TAS2R1: variants seen among roughly 807,000 people sequenced by gnomAD.
TAS2R1 encodes the protein taste receptor type 2 member 1.
For synonymous variants in TAS2R1, 141 were observed against 134.2 expected, an observed-to-expected ratio of 1.05 and a Z score of -0.35; for missense variants, 370 against 353.4, an observed-to-expected ratio of 1.05 and a Z score of -0.38.
chr5:9,823,375 T>G, the TAS2R1 span, among the ~76,000 whole-genome samples: 3 of 152,080 alleles, frequency 2.0e-5, no homozygotes, highest in Middle Eastern at 3.2e-3. Context: ...TCTACTCATA[T>G]GCTTTATATA....
chr5:9,632,761 CTAATTA>C (rs1476930915), upstream of TAS2R1, among the ~76,000 whole-genome samples: 2 of 152,168 alleles, frequency 1.3e-5, no homozygotes, highest in East Asian at 1.9e-4. Context: ...GGCTCTACTT[CTAATTA>C]TAATTCTCAT....
At chr5:9,851,832 G>A in the TAS2R1 span, among the ~76,000 whole-genome samples, 3 of 152,216 alleles carry the variant, frequency 2.0e-5, no homozygotes, top group South Asian at 2.1e-4. Context: ...TTCAAGCTTT[G>A]CTGGTCACAC....
intron 1 of TAS2R1, among the ~76,000 whole-genome samples, chr5:9,694,723 G>T (rs1261158771): frequency 6.6e-6 from 1 of 152,098 alleles, no homozygotes; most frequent in African/African-American, 2.4e-5. Flanking sequence ...GAGGAGTTTG[G>T]TATGAAAAAA....
At chr5:9,798,726 A>C in the TAS2R1 span, among the ~76,000 whole-genome samples, 1 of 152,204 alleles carries the variant, frequency 6.6e-6, no homozygotes, top group African/African-American at 2.4e-5. Context: ...ACAACAATTA[A>C]ATCAGGCTTG....
At chr5:9,853,883 A>G in the TAS2R1 span, among the ~76,000 whole-genome samples, 1 of 152,202 alleles carries the variant, frequency 6.6e-6, no homozygotes, top group African/African-American at 2.4e-5. Context: ...GCACTTCTAA[A>G]TCTACCTCCC....
At chr5:9,755,813 T>C in the TAS2R1 span, among the ~76,000 whole-genome samples, 1 of 152,184 alleles carries the variant, frequency 6.6e-6, no homozygotes, top group Non-Finnish European at 1.5e-5. Context: ...CTTTCTGACA[T>C]TGCTATGGCA....
rs139804328 is a variant in TAS2R1, at chr5:9,693,161, G to C, written c.-242+19011C>G. ...CATCCCCCAAAGTGAAAAACAAATA[G>C]GTATTAATATAAATTCTGATGAATA... On this transcript the variant is annotated intron_variant, in intron 1 of 2. Coordinates refer to the TAS2R1 transcript ENST00000506620. Among the ~76,000 whole-genome samples the C allele has an allele frequency of 4.4e-3, 668 of 152,136 alleles. 8 individuals carry two copies. The highest frequency in any genetic ancestry group is 0.015 in the African/African-American group (625 of 41,524).
chr5:9,875,339 T>A, the TAS2R1 span, among the ~76,000 whole-genome samples: 222 of 152,282 alleles, frequency 1.5e-3, no homozygotes, highest in Non-Finnish European at 1.8e-3. Flanking sequence ...CCAAGTCAAA[T>A]AAGGCTGCCA....
chr5:9,732,542 G>T, the TAS2R1 span, among the ~76,000 whole-genome samples: 1 of 152,312 alleles, frequency 6.6e-6, no homozygotes, highest in African/African-American at 2.4e-5. Flanking sequence ...GCATAGACAG[G>T]AGGCCAGGGT....
At chr5:9,845,607 A>G in the TAS2R1 span, among the ~76,000 whole-genome samples, 1 of 152,232 alleles carries the variant, frequency 6.6e-6, no homozygotes. Flanking sequence ...CAAGTACTTC[A>G]GAAATATGAC....
At chr5:9,664,475 G>A (rs1257474835) in intron 1 of TAS2R1, among the ~76,000 whole-genome samples, 2 of 152,168 alleles carry the variant, frequency 1.3e-5, no homozygotes, top group African/African-American at 4.8e-5. Flanking sequence ...GAACATGTAA[G>A]CTATAAACCA....
rs563280255 is a variant in TAS2R1, at chr5:9,664,203, A to C, written c.-241-4622T>G. Reference sequence around the variant, plus strand: ...TATTGGCACTCCCCAACAAGCGAGCAGGGCCATCATCTCTGAATTAACACT... The same window carrying C: ...TATTGGCACTCCCCAACAAGCGAGCCGGGCCATCATCTCTGAATTAACACT... On this transcript the variant is annotated intron_variant, in intron 1 of 2. Coordinates refer to the TAS2R1 transcript ENST00000506620. 7.9e-5 allele frequency among the ~76,000 whole-genome samples: 12 copies of C among 152,306 alleles called. No homozygotes were observed. The South Asian group carries it at 2.5e-3, about 32-fold the overall frequency.
At chr5:9,815,444 G>C in the TAS2R1 span, among the ~76,000 whole-genome samples, 1 of 152,184 alleles carries the variant, frequency 6.6e-6, no homozygotes, top group Non-Finnish European at 1.5e-5. Context: ...ATGATAGATA[G>C]ATGGATAGAC....
intron 1 of TAS2R1, among the ~76,000 whole-genome samples, chr5:9,660,462 G>A (rs564445116): frequency 1.3e-5 from 2 of 152,164 alleles, no homozygotes; most frequent in Admixed American, 6.6e-5. Flanking sequence ...TCACTAAGGT[G>A]CCCAGGTTTC....
chr5:9,770,084 A>AT, the TAS2R1 span, among the ~76,000 whole-genome samples: 8 of 151,992 alleles, frequency 5.3e-5, no homozygotes, highest in Non-Finnish European at 7.4e-5. Context: ...TTTTAGTTTG[A>AT]TTTTTTATAT....
the TAS2R1 span, among the ~76,000 whole-genome samples, chr5:9,790,398 C>T: frequency 9.2e-5 from 14 of 152,292 alleles, no homozygotes; most frequent in African/African-American, 3.4e-4. Flanking sequence ...CAACAACATA[C>T]ATGACTCAAC....
chr5:9,702,675 G>T (rs1197776923), intron 1 of TAS2R1, among the ~76,000 whole-genome samples: 1 of 152,172 alleles, frequency 6.6e-6, no homozygotes, highest in Admixed American at 6.6e-5. Flanking sequence ...GATACAAATT[G>T]TTAATTGAAA....
the TAS2R1 span, among the ~76,000 whole-genome samples, chr5:9,800,923 G>A: frequency 5.8e-3 from 888 of 152,296 alleles, 3 homozygotes; most frequent in Non-Finnish European, 9.8e-3. Flanking sequence ...TGGGCATGGT[G>A]GCTCAACCCT....
chr5:9,838,641 G>C, the TAS2R1 span, among the ~76,000 whole-genome samples: 1 of 152,178 alleles, frequency 6.6e-6, no homozygotes, highest in African/African-American at 2.4e-5. Context: ...TAAACCAGGG[G>C]TTCTGAGAGC....
Sources: gnomAD v4.1 joint callset for allele counts (sites outside exome capture counted in the v4.1 genomes callset) on GRCh38, gnomAD v4.1.1 for gene constraint, MANE v1.5 for transcripts, NCBI Gene and HGNC (gene_info 2026-07-23, HGNC 2026-07-21) for gene names.